BLOC1S1: variants seen among roughly 807,000 people sequenced by gnomAD.
BLOC1S1 encodes the protein biogenesis of lysosome-related organelles complex 1 subunit 1.
Under a neutral mutation model 19.0 loss-of-function variants are expected in BLOC1S1, and 11 were observed. The ratio of observed to expected loss-of-function variants is 0.58; its 90% CI spans 0.37 to 0.96. BLOC1S1 has a LOEUF of 0.96. Among genes scored for constraint, BLOC1S1 ranks in the 40% least tolerant of loss-of-function variants. BLOC1S1 has a pLI of 0.01. For synonymous variants in BLOC1S1, 94 were observed against 76.4 expected (o/e 1.23, Z -1.20); for missense variants, 220 against 195.9 (o/e 1.12, Z -0.73).
chr12:55,719,084 C>A lies in BLOC1S1; in HGVS notation c.219-7C>A. ...GAGCTGATCTCCTCCCTCCTCCAACCCCCCAGTGTGGCCCAGGCCTACATG... is the reference window on the plus strand; with the variant it reads ...GAGCTGATCTCCTCCCTCCTCCAACACCCCAGTGTGGCCCAGGCCTACATG... On this transcript the variant is annotated splice_polypyrimidine_tract_variant and splice_region_variant and intron_variant, in intron 2 of 3. Transcript: ENST00000548925. 1 of 1,613,172 alleles carries A rather than the reference C, an allele frequency of 6.2e-7. No homozygotes were observed. Among genetic ancestry groups the A allele is most frequent in the Non-Finnish European group, 8.5e-7 (1 of 1,179,382 alleles).
chr12:55,716,451 C>T, intron 1 of BLOC1S1: 1 of 1,347,554 alleles, frequency 7.4e-7, no homozygotes, highest in Non-Finnish European at 9.5e-7. Context: ...TAGCCCCGCC[C>T]CTGCCCCGGA....
chr12:55,717,045 C>A (rs1444669160), intron 2 of BLOC1S1, 40 bp downstream of exon 2: 2 of 1,531,638 alleles, frequency 1.3e-6, no homozygotes, highest in Non-Finnish European at 1.8e-6. Flanking sequence ...TCCTTCCCCA[C>A]CCCGCCCAAG....
intron 1 of BLOC1S1, chr12:55,716,403 C>T (rs949283358): frequency 1.4e-6 from 2 of 1,393,218 alleles, no homozygotes; most frequent in Admixed American, 3.3e-5. Flanking sequence ...TACTCCGGTC[C>T]CCTCGGCAAC....
chr12:55,719,118 A>G lies in BLOC1S1; in HGVS notation c.246A>G (p.Arg82=). 1 of 1,613,908 alleles carries G rather than the reference A, an allele frequency of 6.2e-7. No individual in the cohort carries two copies. The highest frequency in any genetic ancestry group is 8.5e-7 in the Non-Finnish European group (1 of 1,179,982). The change falls in exon 3 of 4, where the codon AGA becomes AGG. Residue 82 remains arginine, a synonymous_variant. Coordinates refer to ENST00000548925, the MANE Select transcript of BLOC1S1 (RefSeq NM_001487.4). ...VGVAQAYMNQ[R]KLDHEVKTLQ... ...TGGCCCAGGCCTACATGAACCAGAG[A>G]AAGCTGGACCATGAGGTGAAGACCC...
Position 55,716,055 on chromosome 12 carries a change from G to T in BLOC1S1, c.4G>T (p.Ala2Ser). 1.3e-6 allele frequency: 2 copies of T among 1,556,080 alleles called. No homozygotes were observed. Among genetic ancestry groups the T allele is most frequent in the Non-Finnish European group, 1.7e-6 (2 of 1,151,206 alleles). M[A>S]PGSRGERSSF... ...CGTGACACAGCGGTCACGTGACATGGCCCCGGGGAGCCGAGGTGAGCGTTC... is the reference window on the plus strand; with the variant it reads ...CGTGACACAGCGGTCACGTGACATGTCCCCGGGGAGCCGAGGTGAGCGTTC... Residue 2 changes from alanine to serine, a missense_variant, in exon 1 of 4, where the codon GCC becomes TCC. Transcript: ENST00000548925.
At chr12:55,719,068 T>C (rs1876778521) in intron 2 of BLOC1S1, 23 bp from the exon 3 acceptor site, 6 of 1,603,636 alleles carry the variant, frequency 3.7e-6, no homozygotes, top group Non-Finnish European at 5.1e-6. Flanking sequence ...GGAGCTGATC[T>C]CCTCCCTCCT....
At chr12:55,719,405 T>C (rs1876804556) in intron 3 of BLOC1S1, 94 bp from the exon 4 acceptor site, 2 of 1,461,024 alleles carry the variant, frequency 1.4e-6, no homozygotes. Flanking sequence ...AGTAAAGCCT[T>C]TTCCAGGAGA....
Position 55,719,534 on chromosome 12 carries a change from C to A in BLOC1S1, c.387C>A (p.Ile129=). 1.2e-6 allele frequency: 2 copies of A among 1,614,198 alleles called. No individual in the cohort carries two copies. The highest frequency in any genetic ancestry group is 2.2e-5 in the South Asian group (2 of 91,080). Reference sequence around the variant, plus strand: ...ATGTGGAGAACTGGGCTCGGAGCATCGAGCTGGACATGCGCACCATTGCCA... The same window carrying A: ...ATGTGGAGAACTGGGCTCGGAGCATAGAGCTGGACATGCGCACCATTGCCA... ...IGDVENWARS[I]ELDMRTIATA... is the part of the protein sequence containing the mutation. The change falls in exon 4 of 4, where the codon ATC becomes ATA. Residue 129 remains isoleucine, a synonymous_variant. Coordinates refer to ENST00000548925, the MANE Select transcript of BLOC1S1 (RefSeq NM_001487.4).
At position 55,717,009 on chromosome 12, in the gene BLOC1S1, T is replaced by C; in HGVS notation, c.218+4T>C. 1 of 1,582,652 alleles carries C rather than the reference T, an allele frequency of 6.3e-7. No individual in the cohort carries two copies. Among genetic ancestry groups the C allele is most frequent in the South Asian group, 1.2e-5 (1 of 86,114 alleles). ...TGGTGGATCACCTCAATGTGGGGTA[T>C]GGACCTCTTATCAACATCAGTTTCC... On this transcript the variant is annotated splice_donor_region_variant and intron_variant, in intron 2 of 3. Coordinates refer to ENST00000548925, the MANE Select transcript of BLOC1S1 (RefSeq NM_001487.4).
chr12:55,716,673 A>T, intron 1 of BLOC1S1: 1 of 1,296,298 alleles, frequency 7.7e-7, no homozygotes, highest in Non-Finnish European at 9.7e-7. Flanking sequence ...AGTGCCTGGG[A>T]GTCAGGAGTC....
chr12:55,718,492 A>ATG (rs5798357), intron 2 of BLOC1S1, among the ~76,000 whole-genome samples: 23,301 of 149,916 alleles, frequency 0.16, 2,182 homozygotes, highest in African/African-American at 0.24. Context: ...GAGGGAGAGC[A>ATG]TGTGTGTGTG....
At chr12:55,718,144 G>GCCTC (rs1876714542) in intron 2 of BLOC1S1, among the ~76,000 whole-genome samples, 1 of 152,154 alleles carries the variant, frequency 6.6e-6, no homozygotes, top group South Asian at 2.1e-4. Context: ...TGCTGCCCAC[G>GCCTC]CCTCCTCTCA....
chr12:55,719,041 AC>A, intron 2 of BLOC1S1, 49 bp from the exon 3 acceptor site: 1 of 1,591,510 alleles, frequency 6.3e-7, no homozygotes, highest in Non-Finnish European at 8.6e-7. Context: ...AGTCCCGGAG[AC>A]CACCCCCAAC....
At chr12:55,717,589 C>A (rs1402524981) in intron 2 of BLOC1S1, among the ~76,000 whole-genome samples, 1 of 152,140 alleles carries the variant, frequency 6.6e-6, no homozygotes, top group Admixed American at 6.6e-5. Context: ...GTCTCTTGAC[C>A]CTAAGTGACC....
At chr12:55,717,638 T>C (rs1030827572) in intron 2 of BLOC1S1, among the ~76,000 whole-genome samples, 113 of 152,278 alleles carry the variant, frequency 7.4e-4, no homozygotes, top group Middle Eastern at 3.4e-3. Flanking sequence ...AGTCTGCCTA[T>C]TGGAAGAAAG....
chr12:55,716,887 CA>C, intron 1 of BLOC1S1, 45 bp from the exon 2 acceptor site: 1 of 1,554,182 alleles, frequency 6.4e-7, no homozygotes, highest in Non-Finnish European at 8.7e-7. Flanking sequence ...CACTACCCCT[CA>C]AAAAACCAAG....
At chr12:55,717,127 T>G in intron 2 of BLOC1S1, 122 bp downstream of exon 2, 1 of 713,098 alleles carries the variant, frequency 1.4e-6, no homozygotes, top group Non-Finnish European at 2.2e-6. Context: ...TCCCCTATCC[T>G]ACCCCGCCCC....
chr12:55,717,809 CTTCT>C (rs1446804643), intron 2 of BLOC1S1, among the ~76,000 whole-genome samples: 3 of 152,182 alleles, frequency 2.0e-5, no homozygotes, highest in Non-Finnish European at 4.4e-5. Context: ...TCTGATCTCC[CTTCT>C]CTCCAGGCAG....
intron 2 of BLOC1S1, among the ~76,000 whole-genome samples, chr12:55,718,873 A>G (rs561067100): frequency 1.2e-4 from 18 of 152,134 alleles, no homozygotes; most frequent in African/African-American, 4.1e-4. Flanking sequence ...GTATGTTTCT[A>G]GTCAGCTCCG....
Sources: gnomAD v4.1 joint callset for allele counts (sites outside exome capture counted in the v4.1 genomes callset) on GRCh38, gnomAD v4.1.1 for gene constraint, MANE v1.5 for transcripts, NCBI Gene and HGNC (gene_info 2026-07-23, HGNC 2026-07-21) for gene names.